Variants in HTT observed in about 807,000 individuals in gnomAD.
HTT encodes the protein huntington disease protein.
Under a neutral mutation model 362.3 loss-of-function variants are expected in HTT, and 104 were observed. That is an observed-to-expected ratio of 0.29 (90% CI 0.24 to 0.34). The LOEUF is 0.34. HTT is among the 10% of genes least tolerant of loss of function. HTT has a pLI of 1.00. For missense variants in HTT, 3,301 were observed against 3,928.6 expected (o/e 0.84, Z 4.27); for synonymous variants, 1,577 against 1,548.7 (o/e 1.02, Z -0.43).
intron 47 of HTT, among the ~76,000 whole-genome samples, chr4:3,211,230 C>T (rs1398731009): frequency 6.6e-6 from 1 of 152,140 alleles, no homozygotes; most frequent in East Asian, 1.9e-4. Flanking sequence ...AAGATTCATG[C>T]AGTGAAAGCT....
chr4:3,134,518 A>G lies in HTT; in HGVS notation c.2611A>G (p.Thr871Ala), dbSNP rs1715970780. 1 of 1,613,266 alleles carries G rather than the reference A, an allele frequency of 6.2e-7. No homozygotes were observed. The highest frequency in any genetic ancestry group is 8.5e-7 in the Non-Finnish European group (1 of 1,179,710). The change falls in exon 19 of 67, where the codon ACC becomes GCC. Residue 871 changes from threonine to alanine, a missense_variant. Coordinates refer to ENST00000355072, the MANE Select transcript of HTT (RefSeq NM_001388492.1). ...GCTGGTGAGGACAGAGCTTCTGGAA[A>G]CCCTTGCAGAGATTGACTTCAGGTA... Reference protein sequence around the residue: ...YWLVRTELLETLAEIDFRLVS... With the variant: ...YWLVRTELLEALAEIDFRLVS...
rs140405703 is a variant in HTT at position 3,101,929 on chromosome 4, G to A, written c.469-1895G>A. On this transcript the variant is annotated intron_variant, in intron 3 of 66. Transcript: ENST00000355072. ...ATTGGAGACCTTCTTAATCATCACC[G>A]CCTCTTGTCTCAAGGGGTGCCAGGA... 2.6e-5 allele frequency among the ~76,000 whole-genome samples: 4 copies of A among 152,296 alleles called. No homozygotes were observed. In the East Asian group the frequency reaches 7.7e-4, roughly 29 times the overall value.
At chr4:3,091,305 G>A (rs1713495383) in intron 2 of HTT, among the ~76,000 whole-genome samples, 1 of 152,130 alleles carries the variant, frequency 6.6e-6, no homozygotes, top group East Asian at 1.9e-4. Flanking sequence ...ACATTTCTCT[G>A]ACTTTGGGAG....
chr4:3,109,067 AT>A (rs113294358), intron 6 of HTT, among the ~76,000 whole-genome samples: 48,093 of 138,352 alleles, frequency 0.35, 7,825 homozygotes, highest in East Asian at 0.42. Context: ...AAAAAAAAAA[AT>A]ATATATATAT....
intron 46 of HTT, among the ~76,000 whole-genome samples, chr4:3,209,336 G>GCCTT (rs1720025469): frequency 6.6e-6 from 1 of 151,744 alleles, no homozygotes. Flanking sequence ...ACCACCTGGA[G>GCCTT]CCTTGGTAGA....
chr4:3,167,944 CAG>C (rs557972385), intron 29 of HTT, among the ~76,000 whole-genome samples: 40 of 152,326 alleles, frequency 2.6e-4, no homozygotes, highest in African/African-American at 9.1e-4. Context: ...TGTTTCAAGA[CAG>C]AGGCCCATTT....
intron 3 of HTT, among the ~76,000 whole-genome samples, chr4:3,101,255 G>A (rs34591077): frequency 0.055 from 8,392 of 152,238 alleles, 280 homozygotes; most frequent in African/African-American, 0.093. Context: ...GTGTGTGTCT[G>A]AGGACTGTAG....
Position 3,173,147 on chromosome 4 carries a change from A to G in HTT, c.4166+16A>G, listed in dbSNP as rs776194533. 1 of 1,602,940 alleles carries G rather than the reference A, an allele frequency of 6.2e-7. No homozygotes were observed. Among genetic ancestry groups the G allele is most frequent in the Non-Finnish European group, 8.5e-7 (1 of 1,170,610 alleles). On this transcript the variant is annotated intron_variant, in intron 31 of 66. Transcript: ENST00000355072. ...ACACCTCGGGGTAACAGTTGTGGCA[A>G]GAATGCTGTCGTTGGTGGAAGCACG...
chr4:3,229,851 T>G, intron 59 of HTT, 36 bp from the exon 60 acceptor site: 1 of 1,610,874 alleles, frequency 6.2e-7, no homozygotes, highest in South Asian at 1.1e-5. Flanking sequence ...AACAGCGCGA[T>G]TCTCCCCTTG....
At chr4:3,155,455 GA>G (rs1717092693) in intron 27 of HTT, among the ~76,000 whole-genome samples, 1 of 151,328 alleles carries the variant, frequency 6.6e-6, no homozygotes, top group South Asian at 2.1e-4. Flanking sequence ...TTGATCTCCT[GA>G]CCTCGTGATC....
intron 19 of HTT, 104 bp from the exon 20 acceptor site, chr4:3,135,800 A>G (rs889409514): frequency 5.2e-5 from 38 of 734,926 alleles, no homozygotes; most frequent in African/African-American, 2.9e-4. Context: ...GTGCTGCCCA[A>G]GGTCCTTCCA....
intron 8 of HTT, among the ~76,000 whole-genome samples, chr4:3,119,614 A>C (rs1715198499): frequency 6.6e-6 from 1 of 152,192 alleles, no homozygotes; most frequent in African/African-American, 2.4e-5. Flanking sequence ...TTTTTAGTTA[A>C]GTTTTTTGGC....
rs1721863024 is a variant in HTT, at chr4:3,242,736, G to A, written c.*2677G>A. 1 of 152,200 alleles carries A rather than the reference G, an allele frequency of 6.6e-6. No individual in the cohort carries two copies. Among genetic ancestry groups the A allele is most frequent in the Admixed American group, 6.5e-5 (1 of 15,278 alleles). The allele number at this position is 152,200 out of a possible 1,614,324, so 9.4% of individuals were successfully genotyped here. ...ATTAATTTGGTTGTCAAGTTTTGGG[G>A]GTGGGCTGTGGGGAGATTGCTTTTG... On this transcript the variant is annotated 3_prime_UTR_variant, in exon 67 of 67. Coordinates refer to ENST00000355072, the MANE Select transcript of HTT (RefSeq NM_001388492.1).
At chr4:3,209,718 A>T in intron 46 of HTT, 109 bp from the exon 47 acceptor site, 2 of 1,357,672 alleles carry the variant, frequency 1.5e-6, no homozygotes, top group Non-Finnish European at 2.0e-6. Context: ...CAGCCCTCTC[A>T]GCCTAGTGCG....
At chr4:3,106,913 C>A (rs1714460401) in intron 5 of HTT, among the ~76,000 whole-genome samples, 1 of 152,258 alleles carries the variant, frequency 6.6e-6, no homozygotes, top group Non-Finnish European at 1.5e-5. Context: ...TCTCTCCCCA[C>A]AACCCCATTT....
chr4:3,151,115 A>G (rs1716867528), intron 26 of HTT, among the ~76,000 whole-genome samples: 2 of 151,910 alleles, frequency 1.3e-5, no homozygotes, highest in South Asian at 2.1e-4. Context: ...TCTGAGCTCT[A>G]TCTCCTCTCA....
intron 50 of HTT, 75 bp downstream of exon 50, chr4:3,214,210 C>T: frequency 1.7e-6 from 2 of 1,195,454 alleles, no homozygotes; most frequent in South Asian, 4.7e-5. Flanking sequence ...TTTTGTGCTG[C>T]CTGTTTGCCA....
chr4:3,157,461 G>C (rs1717207347), intron 28 of HTT, among the ~76,000 whole-genome samples: 1 of 152,200 alleles, frequency 6.6e-6, no homozygotes, highest in African/African-American at 2.4e-5. Flanking sequence ...GTTATAGGGG[G>C]AAGTGGCCCT....
intron 26 of HTT, among the ~76,000 whole-genome samples, chr4:3,150,497 A>G (rs1716511751): frequency 6.6e-6 from 1 of 152,044 alleles, no homozygotes. Context: ...ATTTGTGGAT[A>G]TGTCAGACAC....
Sources: gnomAD v4.1 joint callset for allele counts (sites outside exome capture counted in the v4.1 genomes callset) on GRCh38, gnomAD v4.1.1 for gene constraint, MANE v1.5 for transcripts, NCBI Gene and HGNC (gene_info 2026-07-23, HGNC 2026-07-21) for gene names.